The following MTHFD2L variants were observed in gnomAD, a reference collection of about 807,000 sequenced individuals.
MTHFD2L encodes the protein methylenetetrahydrofolate dehydrogenase (NADP+ dependent) 2 like, also known as bifunctional methylenetetrahydrofolate dehydrogenase/cyclohydrolase 2, mitochondrial.
In MTHFD2L, 29 loss-of-function variants were observed where a neutral mutation model predicts 34.9. The observed-to-expected ratio is 0.83, with a 90% confidence interval of 0.62 to 1.13. MTHFD2L has a LOEUF of 1.13. MTHFD2L is among the 50% of genes most tolerant of loss of function. MTHFD2L has a pLI of 0.00. For synonymous variants in MTHFD2L, 167 were observed against 155.7 expected (o/e 1.07, Z -0.54); for missense variants, 481 against 446.5 (o/e 1.08, Z -0.70).
chr4:74,161,384 C>T (rs1725427777), intron 1 of MTHFD2L: 1 of 152,162 alleles, frequency 6.6e-6, no homozygotes, highest in Non-Finnish European at 1.5e-5. Context: ...TCAAAATCAT[C>T]TTCTATTTAG....
intron 5 of MTHFD2L, among the ~76,000 whole-genome samples, chr4:74,212,340 A>C (rs1442695897): frequency 6.6e-6 from 1 of 152,092 alleles, no homozygotes; most frequent in African/African-American, 2.4e-5. Context: ...TAGTGCTATA[A>C]ATTTTCCTCT....
At chr4:74,232,452 C>G (rs1740217768) in intron 6 of MTHFD2L, among the ~76,000 whole-genome samples, 1 of 152,116 alleles carries the variant, frequency 6.6e-6, no homozygotes. Context: ...CTGTTTCTAC[C>G]TCATCTTCCC....
At chr4:74,127,279 C>T (rs1342956730) in intron 1 of MTHFD2L, among the ~76,000 whole-genome samples, 1 of 152,138 alleles carries the variant, frequency 6.6e-6, no homozygotes, top group Non-Finnish European at 1.5e-5. Context: ...GAATTATTCT[C>T]TTCTAGCTAT....
In MTHFD2L at chr4:74,201,371, G is replaced by A; in HGVS notation, c.712+1G>A. ...GATGGAGAGCATGAACGGCCAGGAGGTAGGTAGAACCTTGCAGATTCTACA... is the reference window on the plus strand; with the variant it reads ...GATGGAGAGCATGAACGGCCAGGAGATAGGTAGAACCTTGCAGATTCTACA... On this transcript the variant is annotated splice_donor_variant, in intron 5 of 7. Transcript: ENST00000325278. LOFTEE classifies it high-confidence loss of function. The A allele has an allele frequency of 6.2e-7, 1 of 1,610,016 alleles. No individual in the cohort carries two copies. Among genetic ancestry groups the A allele is most frequent in the South Asian group, 1.1e-5 (1 of 90,702 alleles).
intron 4 of MTHFD2L, among the ~76,000 whole-genome samples, chr4:74,200,180 C>T (rs759560499): frequency 9.2e-5 from 14 of 151,938 alleles, no homozygotes; most frequent in Non-Finnish European, 1.8e-4. Flanking sequence ...GGTGTGGTGG[C>T]GGGCACCTGT....
intron 1 of MTHFD2L, among the ~76,000 whole-genome samples, chr4:74,152,968 A>G (rs748249658): frequency 7.2e-5 from 11 of 152,240 alleles, no homozygotes; most frequent in Non-Finnish European, 1.6e-4. Flanking sequence ...TCTTCAGCTC[A>G]TTAGCTTCTG....
intron 6 of MTHFD2L, among the ~76,000 whole-genome samples, chr4:74,253,908 A>T (rs1743653146): frequency 6.6e-6 from 1 of 151,624 alleles, no homozygotes; most frequent in South Asian, 2.1e-4. Context: ...ATATATCCAG[A>T]CTCTAGGCCT....
intron 5 of MTHFD2L, among the ~76,000 whole-genome samples, chr4:74,218,622 C>A (rs201571319): frequency 7.3e-5 from 11 of 151,564 alleles, no homozygotes; most frequent in East Asian, 3.9e-4. Context: ...AAGCCCCCCC[C>A]CCACCACCAA....
At chr4:74,134,459 A>T (rs1220470209) in intron 1 of MTHFD2L, among the ~76,000 whole-genome samples, 1 of 152,184 alleles carries the variant, frequency 6.6e-6, no homozygotes, top group East Asian at 1.9e-4. Flanking sequence ...GCCGAAAACA[A>T]GGCAGCAAGC....
At chr4:74,140,672 C>T (rs772743480) in intron 1 of MTHFD2L, 11 of 471,300 alleles carry the variant, frequency 2.3e-5, no homozygotes, top group Non-Finnish European at 2.8e-5. Context: ...GTTTAATTGA[C>T]CCACAGTTCC....
At chr4:74,179,132 A>G (rs1025141907) in intron 3 of MTHFD2L, among the ~76,000 whole-genome samples, 1 of 152,086 alleles carries the variant, frequency 6.6e-6, no homozygotes, top group Non-Finnish European at 1.5e-5. Context: ...ATTGACCAGT[A>G]TTACCTGTTA....
chr4:74,170,186 A>G (rs1024229092), intron 1 of MTHFD2L, among the ~76,000 whole-genome samples: 1 of 152,194 alleles, frequency 6.6e-6, no homozygotes. Flanking sequence ...AAGAAAAGAA[A>G]ACTACAAACA....
At chr4:74,137,584 A>G (rs1043275710) in intron 1 of MTHFD2L, among the ~76,000 whole-genome samples, 1 of 152,194 alleles carries the variant, frequency 6.6e-6, no homozygotes, top group African/African-American at 2.4e-5. Flanking sequence ...TAGAACTACC[A>G]TATGATCTAG....
At chr4:74,131,607 T>G (rs969101334) in intron 1 of MTHFD2L, among the ~76,000 whole-genome samples, 3 of 152,154 alleles carry the variant, frequency 2.0e-5, no homozygotes, top group Non-Finnish European at 4.4e-5. Context: ...TACTTAAACA[T>G]AAGGCCTAAA....
At chr4:74,258,672 C>T (rs564305588) in intron 6 of MTHFD2L, among the ~76,000 whole-genome samples, 6 of 151,872 alleles carry the variant, frequency 4.0e-5, no homozygotes, top group Admixed American at 1.3e-4. Flanking sequence ...TTTATGGAAT[C>T]GATACAAAGT....
intron 1 of MTHFD2L, among the ~76,000 whole-genome samples, chr4:74,137,615 T>C (rs1723023088): frequency 6.6e-6 from 1 of 152,164 alleles, no homozygotes; most frequent in Non-Finnish European, 1.5e-5. Context: ...ACTGGGTATA[T>C]ACATTTAAAA....
upstream of MTHFD2L, among the ~76,000 whole-genome samples, chr4:74,122,375 G>C (rs1234708385): frequency 1.3e-5 from 2 of 152,042 alleles, no homozygotes; most frequent in African/African-American, 4.8e-5. Flanking sequence ...AGAGTGAATG[G>C]GGAAGTGCCA....
chr4:74,162,807 T>A (rs1158602713), intron 1 of MTHFD2L, among the ~76,000 whole-genome samples: 1 of 152,184 alleles, frequency 6.6e-6, no homozygotes, highest in Non-Finnish European at 1.5e-5. Flanking sequence ...AAGACAAGGC[T>A]TGAACCCACA....
chr4:74,300,086 T>C (rs192253019), intron 7 of MTHFD2L, among the ~76,000 whole-genome samples: 56 of 152,206 alleles, frequency 3.7e-4, no homozygotes, highest in African/African-American at 1.3e-3. Context: ...CCCATTCTAA[T>C]GTTTCTATAG....
Sources: allele counts gnomAD v4.1 joint callset (sites outside exome capture counted in the v4.1 genomes callset), GRCh38; gene constraint gnomAD v4.1.1; transcripts MANE v1.5; gene names NCBI Gene and HGNC (gene_info 2026-07-23, HGNC 2026-07-21).